The following YIPF2 variants were observed in gnomAD, a reference collection of about 807,000 sequenced individuals.
YIPF2 encodes Yip1 domain family member 2.
A neutral mutation model predicts 38.8 loss-of-function variants in YIPF2; 30 were observed. The ratio of observed to expected loss-of-function variants is 0.77; its 90% confidence interval spans 0.58 to 1.05. YIPF2 has a LOEUF of 1.05. Ranked by LOEUF, YIPF2 falls within the 50% of genes least tolerant of loss-of-function variation. YIPF2 has a pLI of 0.00. For missense variants in YIPF2, 401 were observed against 409.7 expected, an observed-to-expected ratio of 0.98 and a Z score of 0.18; for synonymous variants, 194 against 183.8, an observed-to-expected ratio of 1.06 and a Z score of -0.45.
At chr19:10,927,346 A>T (rs1000793182) in intron 4 of YIPF2, among the ~76,000 whole-genome samples, 1 of 152,108 alleles carries the variant, frequency 6.6e-6, no homozygotes, top group African/African-American at 2.4e-5. Flanking sequence ...TGCCTGGAAC[A>T]TATACTCCTG....
At chr19:10,928,295 G>C in intron 2 of YIPF2, 85 bp downstream of exon 2, 1 of 1,316,144 alleles carries the variant, frequency 7.6e-7, no homozygotes, top group South Asian at 2.4e-5. Context: ...TAGGCTTCGG[G>C]GTAGAGAAAT....
chr19:10,925,231 CAAAA>C, intron 5 of YIPF2, among the ~76,000 whole-genome samples: 1 of 93,812 alleles, frequency 1.1e-5, no homozygotes, highest in South Asian at 3.3e-4. Context: ...GACTCTGTCT[CAAAA>C]AAAAAAAAAA....
intron 5 of YIPF2, 140 bp downstream of exon 5, chr19:10,925,546 C>T: frequency 9.8e-7 from 1 of 1,016,604 alleles, no homozygotes; most frequent in Non-Finnish European, 1.5e-6. Flanking sequence ...TGCAGTCCTT[C>T]ATGTCTCTGT....
At chr19:10,925,231 C>CAA (rs1268669032) in intron 5 of YIPF2, among the ~76,000 whole-genome samples, 7 of 93,796 alleles carry the variant, frequency 7.5e-5, no homozygotes, top group East Asian at 2.9e-4. Flanking sequence ...GACTCTGTCT[C>CAA]AAAAAAAAAA....
intron 1 of YIPF2, 28 bp downstream of exon 1, chr19:10,928,483 G>A: frequency 3.1e-6 from 4 of 1,292,556 alleles, no homozygotes; most frequent in East Asian, 3.4e-5. Context: ...CCCCGCCCCC[G>A]AGCCGGTCCC....
rs1450936517 is a variant in YIPF2 at position 10,927,544 on chromosome 19, C to T, written c.279+86G>A. On this transcript the variant is annotated intron_variant, in intron 4 of 9. Coordinates refer to ENST00000586748, the MANE Select transcript of YIPF2 (RefSeq NM_001321439.2). ...ACCACAGTTCGTTCACCAGCACCCA[C>T]CATCACCAGCACCCTGCCCAGGGGA... The T allele has an allele frequency of 7.2e-6, 11 of 1,536,510 alleles. No individual in the cohort carries two copies. The African/African-American group carries it at 1.1e-4, about 15-fold the overall frequency.
chr19:10,923,739 C>T (rs1397964663), intron 7 of YIPF2, 62 bp from the exon 8 acceptor site: 1 of 1,578,274 alleles, frequency 6.3e-7, no homozygotes, highest in South Asian at 1.2e-5. Flanking sequence ...CACTCTGCAC[C>T]AGGCCACCCT....
In YIPF2 at chr19:10,923,041, G is replaced by C; in HGVS notation, c.*153C>G. On this transcript the variant is annotated 3_prime_UTR_variant, in exon 10 of 10. Coordinates refer to ENST00000586748, the MANE Select transcript of YIPF2 (RefSeq NM_001321439.2). The stretch of plus-strand genomic sequence containing the variant: ...TATATAAATTCTCTGAATCACCTTT[G>C]CATAGAAAATAAAAGTGTTTGCTTT... 2 of 443,712 alleles carry C rather than the reference G, an allele frequency of 4.5e-6. No homozygotes were observed. The highest frequency in any genetic ancestry group is 7.9e-6 in the Non-Finnish European group (2 of 252,152). The allele number at this position is 443,712 out of a possible 1,614,324, so 27.5% of individuals were successfully genotyped here.
Position 10,928,514 on chromosome 19 carries a change from G to T in YIPF2, c.-34C>A. ...GTCCCTCGGCCCCCAGCCCTACCTG[G>T]CGACCAACTGCACCCACGGAGGCTT... On this transcript the variant is annotated 5_prime_UTR_variant, in exon 1 of 10. Coordinates refer to ENST00000586748, the MANE Select transcript of YIPF2 (RefSeq NM_001321439.2). 1 of 1,306,240 alleles carries T rather than the reference G, an allele frequency of 7.7e-7. No individual in the cohort carries two copies. The allele number at this position is 1,306,240 out of a possible 1,614,324, so 80.9% of individuals were successfully genotyped here.
At position 10,927,957 on chromosome 19, in the gene YIPF2, A is replaced by T; in HGVS notation, c.34T>A (p.Phe12Ile). ...GCCAGAAGATTAGTGGCCTCCTCGA[A>T]TTCTGTGGAGGAGGTATATGGGACA... ...ASADELTFHE[F>I]EEATNLLADT... The change falls in exon 3 of 10, where the codon TTC becomes ATC. Residue 12 changes from phenylalanine (F) to isoleucine (I), a missense_variant and splice_region_variant. Coordinates refer to ENST00000586748, the MANE Select transcript of YIPF2 (RefSeq NM_001321439.2). The T allele has an allele frequency of 6.2e-7, 1 of 1,604,710 alleles. No individual in the cohort carries two copies. Among genetic ancestry groups the T allele is most frequent in the Non-Finnish European group, 8.5e-7 (1 of 1,172,586 alleles).
chr19:10,924,156 A>G lies in YIPF2; in HGVS notation c.404T>C (p.Leu135Pro), dbSNP rs567528709. ...FWICATLAFV[L>P]AVTGNLTLVL... ...CAGCGTCAGGTTGCCAGTGACGGCC[A>G]GGACAAAGGCCAACGTGGCACAGAT... Residue 135 changes from leucine (L) to proline (P), a missense_variant, in exon 6 of 10, where the codon CTG (leucine) becomes CCG (proline). Coordinates refer to ENST00000586748, the MANE Select transcript of YIPF2 (RefSeq NM_001321439.2). The G allele has an allele frequency of 6.2e-7, 1 of 1,613,380 alleles. No individual in the cohort carries two copies. Among genetic ancestry groups the G allele is most frequent in the Admixed American group, 1.7e-5 (1 of 60,008 alleles).
chr19:10,925,567 A>G, intron 5 of YIPF2, 119 bp downstream of exon 5: 1 of 1,183,342 alleles, frequency 8.5e-7, no homozygotes, highest in Non-Finnish European at 1.2e-6. Context: ...CTCCCTGAAC[A>G]GCAGGTAAGT....
intron 5 of YIPF2, among the ~76,000 whole-genome samples, chr19:10,925,321 G>C (rs755457870): frequency 1.3e-5 from 2 of 151,876 alleles, no homozygotes; most frequent in Admixed American, 6.6e-5. Context: ...CAGCTCACTC[G>C]CTCCAGTGGT....
rs1366139615 is a variant in YIPF2 at position 10,928,622 on chromosome 19, C to T, written c.-142G>A. Reference sequence around the variant, plus strand: ...GGGCCGGCGTGGCTGGGGCTCTCTGCGCCTGCGCGTCTCGCCTACCCGTCA... The same window carrying T: ...GGGCCGGCGTGGCTGGGGCTCTCTGTGCCTGCGCGTCTCGCCTACCCGTCA... On this transcript the variant is annotated 5_prime_UTR_variant, in exon 1 of 10. Transcript: ENST00000586748. The T allele has an allele frequency of 1.2e-6, 1 of 851,788 alleles. No individual in the cohort carries two copies. Among genetic ancestry groups the T allele is most frequent in the African/African-American group, 1.8e-5 (1 of 55,136 alleles). 52.8% of individuals were successfully genotyped at this position (851,788 alleles called of 1,614,324 possible).
In YIPF2 at chr19:10,924,001, T is replaced by G. The variant is rs773085387; in HGVS notation, c.485-2A>C. The G allele has an allele frequency of 1.4e-5, 23 of 1,603,876 alleles. No homozygotes were observed. The highest frequency in any genetic ancestry group is 1.8e-5 in the Non-Finnish European group (21 of 1,173,992). ...AGATGCTGATGCCTGCCACGGTCAC[T>G]GGGGGGGGCAAGGTGAGCAGTCACC... On this transcript the variant is annotated splice_acceptor_variant, in intron 6 of 9. Transcript: ENST00000586748. LOFTEE classifies it high-confidence loss of function.
rs1304227868 is a variant in YIPF2 at position 10,923,445 on chromosome 19, CA to C, written c.835-39del. On this transcript the variant is annotated intron_variant, in intron 8 of 9. Transcript: ENST00000586748. ...CCTGGGGTCAGAGGCAGGGCCAGCC[CA>C]TGCCCCCCTAGCCCCTCGGCCCCAC... 3 of 1,613,054 alleles carry C rather than the reference CA, an allele frequency of 1.9e-6. No homozygotes were observed. The African/African-American group carries it at 4.0e-5, about 22-fold the overall frequency.
chr19:10,924,520 G>A (rs937168838), intron 5 of YIPF2, among the ~76,000 whole-genome samples: 7 of 152,044 alleles, frequency 4.6e-5, no homozygotes, highest in African/African-American at 1.2e-4. Context: ...CCATGTCTGC[G>A]TTCACCCATA....
chr19:10,927,685 G>A lies in YIPF2; in HGVS notation c.224C>T (p.Pro75Leu). The A allele has an allele frequency of 6.2e-7, 1 of 1,613,504 alleles. No individual in the cohort carries two copies. Among genetic ancestry groups the A allele is most frequent in the Non-Finnish European group, 8.5e-7 (1 of 1,179,906 alleles). ...ATAGTAGCTGAAGGTCCAGAATCCC[G>A]GCTGCTGCTGCTGCTGCTGCTCCTG... ...LLQEQQQQQQ[P>L]GFWTFSYYQS... The change falls in exon 4 of 10, where the codon CCG becomes CTG. Residue 75 changes from proline to leucine, a missense_variant. Coordinates refer to ENST00000586748, the MANE Select transcript of YIPF2 (RefSeq NM_001321439.2).
At position 10,923,538 on chromosome 19, in the gene YIPF2, G is replaced by A; in HGVS notation, c.791C>T (p.Ser264Phe). 1 of 1,612,564 alleles carries A rather than the reference G, an allele frequency of 6.2e-7. No homozygotes were observed. Among genetic ancestry groups the A allele is most frequent in the South Asian group, 1.1e-5 (1 of 91,074 alleles). The change falls in exon 8 of 10, where the codon TCC becomes TTC. Residue 264 changes from serine to phenylalanine, a missense_variant. Ser to Phe is a radical substitution (Grantham distance 155). Coordinates refer to ENST00000586748, the MANE Select transcript of YIPF2 (RefSeq NM_001321439.2). ...DTRLVATVLLSVVVLLHALLA... is the reference protein window; with the variant it reads ...DTRLVATVLLFVVVLLHALLA... ...GAGGGCGTGGAGCAGCACGACCACG[G>A]ACAGCAGCACTGTGGCCACCAGCCT...
Sources: allele counts gnomAD v4.1 joint callset (sites outside exome capture counted in the v4.1 genomes callset), GRCh38; gene constraint gnomAD v4.1.1; transcripts MANE v1.5; gene names NCBI Gene and HGNC (gene_info 2026-07-23, HGNC 2026-07-21).